The following ATP8B4 variants were observed in gnomAD, a reference collection of about 807,000 sequenced individuals.
ATP8B4 encodes the protein probable phospholipid-transporting ATPase IM.
A neutral mutation model predicts 145.6 loss-of-function variants in ATP8B4; 133 were observed. That is an observed-to-expected ratio of 0.91 (90% CI 0.79 to 1.05). The LOEUF is 1.05. Among genes scored for constraint, ATP8B4 ranks in the 50% least tolerant of loss-of-function variants. The probability of loss-of-function intolerance (pLI) is 0.00; values close to 1 mark genes in which losing one functional copy is unlikely to be tolerated. For synonymous variants in ATP8B4, 507 were observed against 492.9 expected (o/e 1.03, Z -0.38); for missense variants, 1,458 against 1,425.2 (o/e 1.02, Z -0.37).
At chr15:49,973,320 G>A (rs1370018527) in intron 12 of ATP8B4, among the ~76,000 whole-genome samples, 1 of 152,190 alleles carries the variant, frequency 6.6e-6, no homozygotes, top group Non-Finnish European at 1.5e-5. Context: ...TAATGCTGCT[G>A]CCACTGATCT....
chr15:50,072,924 CTCTCTCTCTCTCTCTCTCTCTCTCT>C (rs2053849976), intron 3 of ATP8B4, among the ~76,000 whole-genome samples: 1 of 10,560 alleles, frequency 9.5e-5, no homozygotes, highest in African/African-American at 3.3e-4. Context: ...TGCCCGGCCT[CTCTCTCTCTCTCTCTCTCTCTCTCT>C]CTCTCTCTCT....
At chr15:49,894,063 G>A (rs2037123653) in intron 23 of ATP8B4, among the ~76,000 whole-genome samples, 2 of 152,218 alleles carry the variant, frequency 1.3e-5, no homozygotes, top group South Asian at 4.1e-4. Flanking sequence ...CTCTCCAACA[G>A]GTGATAAGCA....
chr15:50,001,191 T>A (rs1301776462), intron 8 of ATP8B4, among the ~76,000 whole-genome samples: 4 of 152,126 alleles, frequency 2.6e-5, no homozygotes, highest in African/African-American at 9.7e-5. Context: ...TATCTTATTA[T>A]CTCCTTTCTT....
intron 16 of ATP8B4, among the ~76,000 whole-genome samples, chr15:49,929,160 A>T (rs932115106): frequency 1.3e-5 from 2 of 152,120 alleles, no homozygotes; most frequent in African/African-American, 4.8e-5. Context: ...AGTGAGCTAT[A>T]ATAGGCCTTA....
At chr15:49,886,534 CATAG>C (rs892329119) in intron 23 of ATP8B4, among the ~76,000 whole-genome samples, 6 of 151,982 alleles carry the variant, frequency 3.9e-5, no homozygotes, top group African/African-American at 9.7e-5. Context: ...GACAATTAAC[CATAG>C]ATATTTATTT....
chr15:50,045,216 A>G (rs2051623728), intron 4 of ATP8B4, among the ~76,000 whole-genome samples: 1 of 152,232 alleles, frequency 6.6e-6, no homozygotes, highest in Non-Finnish European at 1.5e-5. Flanking sequence ...CCCCCAGTAC[A>G]CAACACAGAA....
At chr15:50,046,801 T>C (rs1447865937) in intron 4 of ATP8B4, among the ~76,000 whole-genome samples, 1 of 152,238 alleles carries the variant, frequency 6.6e-6, no homozygotes, top group Non-Finnish European at 1.5e-5. Context: ...AGCTGAAATT[T>C]CATTTAAAGG....
chr15:49,927,203 AGATACTTCT>A (rs1403770219), intron 16 of ATP8B4, among the ~76,000 whole-genome samples: 1 of 152,138 alleles, frequency 6.6e-6, no homozygotes, highest in Non-Finnish European at 1.5e-5. Flanking sequence ...ATTTTTATGT[AGATACTTCT>A]GACTTAAATC....
intron 9 of ATP8B4, among the ~76,000 whole-genome samples, chr15:49,989,672 C>T (rs1234791972): frequency 1.3e-5 from 2 of 151,894 alleles, no homozygotes; most frequent in Admixed American, 6.6e-5. Context: ...CCAATTCAGC[C>T]TTTCTCAAAG....
At chr15:50,116,874 A>T (rs1448810655) in intron 1 of ATP8B4, among the ~76,000 whole-genome samples, 1 of 152,084 alleles carries the variant, frequency 6.6e-6, no homozygotes, top group Non-Finnish European at 1.5e-5. Flanking sequence ...ATGATCAATA[A>T]TATTTAATAT....
chr15:49,948,847 G>A (rs921761292), intron 14 of ATP8B4, among the ~76,000 whole-genome samples: 3 of 152,040 alleles, frequency 2.0e-5, no homozygotes, highest in Admixed American at 2.0e-4. Context: ...AATTCCTTTT[G>A]GCATTTTTGT....
intron 13 of ATP8B4, among the ~76,000 whole-genome samples, chr15:49,968,484 A>T (rs1005947579): frequency 8.0e-5 from 12 of 150,362 alleles, no homozygotes; most frequent in Middle Eastern, 3.4e-3. Context: ...CTAGTCTCTG[A>T]AAAAACAGAC....
chr15:50,027,534 G>A (rs549524644), intron 6 of ATP8B4, among the ~76,000 whole-genome samples: 14 of 152,228 alleles, frequency 9.2e-5, no homozygotes, highest in Non-Finnish European at 1.6e-4. Context: ...AATTCGTCCC[G>A]TTGCCAACAG....
intron 2 of ATP8B4, among the ~76,000 whole-genome samples, chr15:50,087,103 T>TAG (rs1567335909): frequency 6.0e-5 from 3 of 50,294 alleles, no homozygotes; most frequent in African/African-American, 2.5e-4. Context: ...ATAATAAATA[T>TAG]AGATTATATT....
intron 9 of ATP8B4, among the ~76,000 whole-genome samples, chr15:49,992,146 C>T (rs2047091694): frequency 6.6e-6 from 1 of 152,192 alleles, no homozygotes. Context: ...ACAATAATCT[C>T]TTCCTTCAAG....
chr15:49,920,413 G>A lies in ATP8B4; in HGVS notation c.1759-3C>T, dbSNP rs752361339. On this transcript the variant is annotated splice_region_variant and splice_polypyrimidine_tract_variant and intron_variant, in intron 17 of 27. Coordinates refer to ENST00000284509, the MANE Select transcript of ATP8B4 (RefSeq NM_024837.4). ...CGAAGGCCTTCCCCTGCAAATTCCT[G>A]CCAGAGATGACATAGACTCATGAAC... 4 of 1,611,560 alleles carry A rather than the reference G, an allele frequency of 2.5e-6. No homozygotes were observed.
At chr15:49,978,883 C>T (rs551605191) in intron 12 of ATP8B4, among the ~76,000 whole-genome samples, 2 of 151,422 alleles carry the variant, frequency 1.3e-5, no homozygotes, top group South Asian at 4.2e-4. Flanking sequence ...AAAGAGAGAC[C>T]ACCTTAGCTC....
intron 6 of ATP8B4, among the ~76,000 whole-genome samples, chr15:50,022,184 C>T (rs1032561910): frequency 6.6e-6 from 1 of 151,984 alleles, no homozygotes; most frequent in African/African-American, 2.4e-5. Flanking sequence ...AGGGATAATA[C>T]ATTTCCCTAA....
At chr15:50,085,060 C>T (rs541131026) in intron 2 of ATP8B4, among the ~76,000 whole-genome samples, 1 of 152,274 alleles carries the variant, frequency 6.6e-6, no homozygotes, top group East Asian at 1.9e-4. Context: ...AGGCCATCCA[C>T]TAGCTCTTCA....
Sources: gnomAD v4.1 joint callset for allele counts (sites outside exome capture counted in the v4.1 genomes callset) on GRCh38, gnomAD v4.1.1 for gene constraint, MANE v1.5 for transcripts, NCBI Gene and HGNC (gene_info 2026-07-23, HGNC 2026-07-21) for gene names.